The following ZNF407 variants were observed in gnomAD, a reference collection of about 807,000 sequenced individuals.
ZNF407 encodes the protein zinc finger protein 407.
A neutral mutation model predicts 131.2 loss-of-function variants in ZNF407; 17 were observed. That is an observed-to-expected ratio of 0.13 (90% CI 0.09 to 0.19). The LOEUF (loss-of-function observed/expected upper bound fraction) is 0.19. ZNF407 is among the 10% of genes least tolerant of loss of function. The pLI, the probability that ZNF407 is intolerant of heterozygous loss-of-function variation, is 1.00. For synonymous variants in ZNF407, 1,156 were observed against 1,062.0 expected (o/e 1.09, Z -1.72); for missense variants, 2,681 against 2,830.6 (o/e 0.95, Z 1.20).
intron 8 of ZNF407, among the ~76,000 whole-genome samples, chr18:75,015,899 A>G (rs1167622992): frequency 6.6e-6 from 1 of 152,022 alleles, no homozygotes; most frequent in Non-Finnish European, 1.5e-5. Context: ...AGAGATATAA[A>G]TGCAAGCAAT....
At position 74,782,592 on chromosome 18, in the gene ZNF407, C is replaced by T. The variant is rs576797840; in HGVS notation, c.4877+1090C>T. Among the ~76,000 whole-genome samples, 5 of 151,632 alleles carry T rather than the reference C, an allele frequency of 3.3e-5. No individual in the cohort carries two copies. In the East Asian group the frequency reaches 9.8e-4, roughly 30 times the overall value. On this transcript the variant is annotated intron_variant, in intron 4 of 8. Coordinates refer to ENST00000299687, the MANE Select transcript of ZNF407 (RefSeq NM_017757.3). ...TCTCTTCTCTTCTCTCTTCTTTCTT[C>T]CTGTTCTCCCCGTTCTCCCCTTTCT...
chr18:75,036,799 C>T (rs1275897604), intron 8 of ZNF407, among the ~76,000 whole-genome samples: 2 of 152,122 alleles, frequency 1.3e-5, no homozygotes, highest in East Asian at 1.9e-4. Context: ...GCTTTAATCC[C>T]GTGATTCATG....
intron 4 of ZNF407, 96 bp from the exon 5 acceptor site, chr18:74,877,101 G>A (rs1483787664): frequency 2.9e-6 from 3 of 1,050,034 alleles, no homozygotes; most frequent in Non-Finnish European, 4.4e-6. Context: ...GAGGCTGCGT[G>A]TGCACCGCAC....
At chr18:74,612,219 A>G (rs1476530710) in intron 1 of ZNF407, among the ~76,000 whole-genome samples, 1 of 152,158 alleles carries the variant, frequency 6.6e-6, no homozygotes, top group African/African-American at 2.4e-5. Flanking sequence ...AGAAATATGG[A>G]TATGATAAAG....
At chr18:75,020,081 A>G (rs945181889) in intron 8 of ZNF407, among the ~76,000 whole-genome samples, 2 of 152,172 alleles carry the variant, frequency 1.3e-5, no homozygotes, top group Non-Finnish European at 2.9e-5. Context: ...CTTGTGTTCA[A>G]GTAAAACTTA....
rs957551894 is a variant in ZNF407 at position 74,790,772 on chromosome 18, G to C, written c.4877+9270G>C. 2.0e-5 allele frequency among the ~76,000 whole-genome samples: 3 copies of C among 152,064 alleles called. No individual in the cohort carries two copies. In the South Asian group the frequency reaches 6.2e-4, roughly 31 times the overall value. ...TGTGAGCAGTTCTTTATGATGTCTT[G>C]GTAGTTGCTTATAAAAGTCCGAATT... On this transcript the variant is annotated intron_variant, in intron 4 of 8. Transcript: ENST00000299687.
chr18:74,826,747 A>G (rs1382650279), intron 4 of ZNF407, among the ~76,000 whole-genome samples: 1 of 152,228 alleles, frequency 6.6e-6, no homozygotes, highest in Non-Finnish European at 1.5e-5. Flanking sequence ...TTAATGTATC[A>G]GTAAGCAGTG....
rs570948540 is a variant in ZNF407, at chr18:74,676,656, G to A, written c.4802+35534G>A. 1.7e-3 allele frequency among the ~76,000 whole-genome samples: 263 copies of A among 151,872 alleles called. 6 individuals are homozygous for A. The South Asian group carries it at 0.031, about 18-fold the overall frequency. The stretch of plus-strand genomic sequence containing the variant: ...TCACCGTGTTAGCCAGGATGGTCTC[G>A]ATCTCCTGACCTCGTGATCTGCCCG... On this transcript the variant is annotated intron_variant, in intron 3 of 8. Coordinates refer to ENST00000299687, the MANE Select transcript of ZNF407 (RefSeq NM_017757.3).
At chr18:74,800,890 A>G (rs1008313770) in intron 4 of ZNF407, among the ~76,000 whole-genome samples, 1 of 152,094 alleles carries the variant, frequency 6.6e-6, no homozygotes, top group Non-Finnish European at 1.5e-5. Flanking sequence ...TTATTGTTTC[A>G]GGATGGAAAT....
intron 3 of ZNF407, among the ~76,000 whole-genome samples, chr18:74,673,529 T>G (rs1028273144): frequency 6.6e-6 from 1 of 152,248 alleles, no homozygotes; most frequent in Non-Finnish European, 1.5e-5. Context: ...TTTAATCGCC[T>G]CTGCAGAATC....
chr18:74,856,414 GA>G (rs1481405772), intron 4 of ZNF407, among the ~76,000 whole-genome samples: 14 of 152,014 alleles, frequency 9.2e-5, no homozygotes, highest in Non-Finnish European at 2.1e-4. Flanking sequence ...AAATTTCTTT[GA>G]AACACCTATA....
At chr18:74,952,025 A>T (rs1047690243) in intron 8 of ZNF407, among the ~76,000 whole-genome samples, 5 of 152,214 alleles carry the variant, frequency 3.3e-5, no homozygotes, top group African/African-American at 4.8e-5. Flanking sequence ...TATTGCTAGA[A>T]TAACTGCAAA....
At chr18:74,801,238 A>G (rs1002935108) in intron 4 of ZNF407, among the ~76,000 whole-genome samples, 3 of 152,306 alleles carry the variant, frequency 2.0e-5, no homozygotes, top group African/African-American at 7.2e-5. Context: ...TGAAAAATGT[A>G]AAACATTCAG....
rs1972539323 is a variant in ZNF407 at position 74,977,324 on chromosome 18, A to C, written c.5428+56632A>C. On this transcript the variant is annotated intron_variant, in intron 8 of 8. Coordinates refer to ENST00000299687, the MANE Select transcript of ZNF407 (RefSeq NM_017757.3). ...GAGAGCCTAAAACCAACCAGTCATC[A>C]GCGAAGCTGTGCCTGCCTACAAATT... is the stretch of plus-strand genomic sequence containing the variant. Among the ~76,000 whole-genome samples the C allele has an allele frequency of 2.0e-5, 3 of 152,366 alleles. No homozygotes were observed. The South Asian group carries it at 6.2e-4, about 32-fold the overall frequency.
At chr18:75,028,070 GTA>G (rs1179208194) in intron 8 of ZNF407, among the ~76,000 whole-genome samples, 3 of 152,166 alleles carry the variant, frequency 2.0e-5, no homozygotes, top group African/African-American at 7.2e-5. Flanking sequence ...CCAATTTTGA[GTA>G]TTTACTCATT....
intron 7 of ZNF407, among the ~76,000 whole-genome samples, chr18:74,903,908 G>A (rs924867490): frequency 6.6e-6 from 1 of 152,310 alleles, no homozygotes. Context: ...AGTCACATAT[G>A]TTTGGGAGAT....
At chr18:74,757,776 A>C (rs1322616703) in intron 3 of ZNF407, among the ~76,000 whole-genome samples, 1 of 151,920 alleles carries the variant, frequency 6.6e-6, no homozygotes, top group Non-Finnish European at 1.5e-5. Context: ...TTTCTGCTTC[A>C]TTTCTATAAT....
intron 1 of ZNF407, 104 bp from the exon 2 acceptor site, chr18:74,630,863 G>T (rs1431373859): frequency 6.2e-6 from 5 of 800,464 alleles, no homozygotes; most frequent in Non-Finnish European, 5.6e-6. Flanking sequence ...CAGTATAAAG[G>T]GTGTTTCATT....
intron 7 of ZNF407, among the ~76,000 whole-genome samples, chr18:74,893,627 C>T (rs958986094): frequency 1.3e-5 from 2 of 152,000 alleles, no homozygotes; most frequent in Admixed American, 6.5e-5. Flanking sequence ...TTGTTGCGTA[C>T]GATAGTAGGA....
Sources: allele counts gnomAD v4.1 joint callset (sites outside exome capture counted in the v4.1 genomes callset), GRCh38; gene constraint gnomAD v4.1.1; transcripts MANE v1.5; gene names NCBI Gene and HGNC (gene_info 2026-07-23, HGNC 2026-07-21).